SDCCAG8: variants seen among roughly 807,000 people sequenced by gnomAD.
SDCCAG8 encodes serologically defined colon cancer antigen 8.
In SDCCAG8, 74 loss-of-function variants were observed where a neutral mutation model predicts 101.8. The observed-to-expected ratio is 0.73, with a 90% CI of 0.60 to 0.88. The LOEUF (loss-of-function observed/expected upper bound fraction) is 0.88. Among genes scored for constraint, SDCCAG8 ranks in the 40% least tolerant of loss-of-function variants. SDCCAG8 has a pLI of 0.00. For missense variants in SDCCAG8, 787 were observed against 822.6 expected (o/e 0.96, Z 0.53); for synonymous variants, 281 against 292.9 (o/e 0.96, Z 0.41).
intron 16 of SDCCAG8, among the ~76,000 whole-genome samples, chr1:243,471,781 TA>T (rs1341070589): frequency 1.2e-4 from 18 of 152,120 alleles, no homozygotes; most frequent in Admixed American, 5.9e-4. Flanking sequence ...TGTGTGGCAT[TA>T]AAAAAAATTA....
intron 16 of SDCCAG8, among the ~76,000 whole-genome samples, chr1:243,475,152 T>G (rs1662147821): frequency 6.6e-6 from 1 of 152,176 alleles, no homozygotes; most frequent in South Asian, 2.1e-4. Flanking sequence ...CCCTGAGCCC[T>G]GTCCTACAGC....
intron 17 of SDCCAG8, among the ~76,000 whole-genome samples, chr1:243,489,517 T>C (rs1665860111): frequency 6.6e-6 from 1 of 152,118 alleles, no homozygotes; most frequent in Non-Finnish European, 1.5e-5. Context: ...AGGTCGTGTA[T>C]GGTTTGAATT....
chr1:243,310,648 T>C (rs2072633835), intron 8 of SDCCAG8, among the ~76,000 whole-genome samples: 1 of 152,174 alleles, frequency 6.6e-6, no homozygotes, highest in Non-Finnish European at 1.5e-5. Context: ...TTTGTTTCTA[T>C]TAAAAAATAA....
intron 12 of SDCCAG8, among the ~76,000 whole-genome samples, chr1:243,346,600 T>C (rs1300784956): frequency 6.6e-6 from 1 of 152,242 alleles, no homozygotes; most frequent in African/African-American, 2.4e-5. Flanking sequence ...ACCTGAGCCT[T>C]GGCTCTGGCA....
Position 243,450,560 on chromosome 1 carries a change from G to A in SDCCAG8, c.1985+24002G>A, listed in dbSNP as rs114357337. Reference sequence around the variant, plus strand: ...CTCGTGGGAAAGCATGTATTCTAGCGTTGCTAGCCCCTGTTTTAGTAGAGA... The same window carrying A: ...CTCGTGGGAAAGCATGTATTCTAGCATTGCTAGCCCCTGTTTTAGTAGAGA... On this transcript the variant is annotated intron_variant, in intron 16 of 17. Transcript: ENST00000366541. Among the ~76,000 whole-genome samples, 276 of 152,260 alleles carry A rather than the reference G, an allele frequency of 1.8e-3. 2 individuals carry two copies. The highest frequency in any genetic ancestry group is 6.2e-3 in the African/African-American group (257 of 41,546).
intron 16 of SDCCAG8, among the ~76,000 whole-genome samples, chr1:243,466,753 G>A (rs1254749627): frequency 1.3e-5 from 2 of 152,254 alleles, no homozygotes; most frequent in African/African-American, 4.8e-5. Flanking sequence ...ATCGAGAGTA[G>A]ACAAGCTGAC....
At chr1:243,341,271 A>G in intron 11 of SDCCAG8, 98 bp downstream of exon 11, 1 of 1,364,228 alleles carries the variant, frequency 7.3e-7, no homozygotes, top group South Asian at 1.3e-5. Context: ...ATCAGGAGGA[A>G]GTTTGGAGTA....
At chr1:243,344,395 A>T (rs1000642847) in intron 12 of SDCCAG8, 64 bp downstream of exon 12, 1 of 1,101,892 alleles carries the variant, frequency 9.1e-7, no homozygotes. Flanking sequence ...TCTCAAGTTG[A>T]TGTTGTTTTA....
At chr1:243,367,901 G>A (rs1443930254) in intron 12 of SDCCAG8, among the ~76,000 whole-genome samples, 1 of 151,714 alleles carries the variant, frequency 6.6e-6, no homozygotes, top group Non-Finnish European at 1.5e-5. Flanking sequence ...GTACATGGCT[G>A]ACATAATTTC....
chr1:243,285,668 G>T (rs1375790604), intron 4 of SDCCAG8, among the ~76,000 whole-genome samples: 1 of 152,156 alleles, frequency 6.6e-6, no homozygotes, highest in Admixed American at 6.5e-5. Flanking sequence ...CTATTCTAAT[G>T]ATTGTTGACC....
At chr1:243,439,241 C>T (rs2082360886) in intron 16 of SDCCAG8, among the ~76,000 whole-genome samples, 1 of 152,080 alleles carries the variant, frequency 6.6e-6, no homozygotes, top group Non-Finnish European at 1.5e-5. Flanking sequence ...GCAGCCTCAA[C>T]CTCCTGGATT....
At chr1:243,480,334 ATGGATAGGTGGGATGGATGGG>A (rs1663241581) in intron 16 of SDCCAG8, among the ~76,000 whole-genome samples, 1 of 110,132 alleles carries the variant, frequency 9.1e-6, no homozygotes, top group African/African-American at 3.5e-5. Flanking sequence ...GGATGGATGG[ATGGATAGGTGGGATGGATGGG>A]TGGGTGGGAT....
chr1:243,303,531 C>T (rs1344577670), intron 6 of SDCCAG8, among the ~76,000 whole-genome samples: 1 of 152,092 alleles, frequency 6.6e-6, no homozygotes, highest in Non-Finnish European at 1.5e-5. Context: ...TCCAACTCAG[C>T]CTACTCAATG....
chr1:243,395,047 C>T lies in SDCCAG8; in HGVS notation c.1616+16184C>T, dbSNP rs187946708. ...TTTCGTTTCCCGTTTCTTTTTCTTG[C>T]GTGTTTATGGAAAAGTGTATGTGTG... On this transcript the variant is annotated intron_variant, in intron 13 of 17. Coordinates refer to ENST00000366541, the MANE Select transcript of SDCCAG8 (RefSeq NM_006642.5). Among the ~76,000 whole-genome samples the T allele has an allele frequency of 2.0e-5, 3 of 152,074 alleles. No homozygotes were observed. In the South Asian group the frequency reaches 6.2e-4, roughly 32 times the overall value.
intron 10 of SDCCAG8, among the ~76,000 whole-genome samples, chr1:243,340,642 C>G (rs1221198719): frequency 6.6e-6 from 1 of 152,184 alleles, no homozygotes; most frequent in Non-Finnish European, 1.5e-5. Flanking sequence ...TTAACTCTCC[C>G]CATCAGTCCT....
rs1245865548 is a variant in SDCCAG8, at chr1:243,341,086, A to C, written c.1269A>C (p.Glu423Asp). ...TTGCCCAACTGGAGGCCCAGGTGGA[A>C]AAGGTTACAAAGGAAAAGATTTCAG... ...QNIAQLEAQV[E>D]KVTKEKISAI... Residue 423 changes from glutamate to aspartate, a missense_variant, in exon 11 of 18, where the codon GAA becomes GAC. By Grantham distance (45) the Glu-to-Asp change is conservative. Transcript: ENST00000366541. 4 of 1,614,044 alleles carry C rather than the reference A, an allele frequency of 2.5e-6. No homozygotes were observed. Among genetic ancestry groups the C allele is most frequent in the Non-Finnish European group, 3.4e-6 (4 of 1,179,866 alleles).
chr1:243,340,767 T>G (rs2147781146), intron 10 of SDCCAG8, among the ~76,000 whole-genome samples: 1 of 152,348 alleles, frequency 6.6e-6, no homozygotes, highest in African/African-American at 2.4e-5. Flanking sequence ...AACTGTCACT[T>G]TAGGGTTTCA....
At chr1:243,420,774 C>A (rs910107475) in intron 15 of SDCCAG8, among the ~76,000 whole-genome samples, 1 of 152,110 alleles carries the variant, frequency 6.6e-6, no homozygotes, top group Admixed American at 6.6e-5. Flanking sequence ...CTTTTAGTTC[C>A]AGTTTCATTT....
chr1:243,318,375 G>C (rs1297106511), intron 9 of SDCCAG8: 1 of 159,210 alleles, frequency 6.3e-6, no homozygotes, highest in Admixed American at 6.5e-5. Context: ...TGGGAGCAGG[G>C]AGAGGAGCAG....
Sources: allele counts gnomAD v4.1 joint callset (sites outside exome capture counted in the v4.1 genomes callset), GRCh38; gene constraint gnomAD v4.1.1; transcripts MANE v1.5; gene names NCBI Gene and HGNC (gene_info 2026-07-23, HGNC 2026-07-21).